The following ATP13A5 variants were observed in gnomAD, a reference collection of about 807,000 sequenced individuals.
ATP13A5 encodes the protein ATPase 13A5.
Under a neutral mutation model 150.2 loss-of-function variants are expected in ATP13A5, and 149 were observed. That is an observed-to-expected ratio of 0.99 (90% CI 0.87 to 1.14). The LOEUF is 1.14. Among genes scored for constraint, ATP13A5 ranks in the 50% most tolerant of loss-of-function variants. ATP13A5 has a pLI of 0.00. For synonymous variants in ATP13A5, 497 were observed against 522.2 expected (o/e 0.95, Z 0.66); for missense variants, 1,383 against 1,449.3 (o/e 0.95, Z 0.74).
In ATP13A5 at chr3:193,305,581, G is replaced by A. The variant is rs776794032; in HGVS notation, c.2656C>T (p.Gln886Ter). 3.1e-6 allele frequency: 5 copies of A among 1,613,680 alleles called. No homozygotes were observed. The African/African-American group carries it at 5.3e-5, about 17-fold the overall frequency. The stretch of plus-strand genomic sequence containing the variant: ...TACCTGATGAGATGAGGCACACACT[G>A]GATGTTGGTTGTTTTAGAGGTAAAA... ...SPFTSKTTNI[Q>*]CVPHLIREGR... is the part of the protein sequence containing the mutation. Residue 886 changes from glutamine (Q) to a stop codon, truncating the protein, a stop_gained, in exon 23 of 30, where the codon CAG (glutamine) becomes TAG (stop). Transcript: ENST00000342358. LOFTEE classifies it high-confidence loss of function.
intron 25 of ATP13A5, among the ~76,000 whole-genome samples, chr3:193,293,730 T>C (rs1054390453): frequency 6.6e-5 from 10 of 152,094 alleles, no homozygotes; most frequent in Admixed American, 2.0e-4. Flanking sequence ...CTAAACTACA[T>C]GCAGAATTTC....
chr3:193,363,316 C>T lies in ATP13A5; in HGVS notation c.304G>A (p.Val102Ile), dbSNP rs368981593. The change falls in exon 3 of 30, where the codon GTA becomes ATA. Residue 102 changes from valine to isoleucine, a missense_variant. Transcript: ENST00000342358. ...CLYLSTLKFP[V>I]SKKWEESLVA... ...AGGGATTCTTCCCACTTCTTGCTTA[C>T]AGGAAACTTCAGTGTGGATAAGTAG... 2.3e-4 allele frequency: 370 copies of T among 1,613,810 alleles called. No individual in the cohort carries two copies. Among genetic ancestry groups the T allele is most frequent in the Non-Finnish European group, 3.1e-4 (360 of 1,179,860 alleles).
At chr3:193,354,324 G>T in intron 5 of ATP13A5, 128 bp from the exon 6 acceptor site, 1 of 789,656 alleles carries the variant, frequency 1.3e-6, no homozygotes, top group Non-Finnish European at 2.0e-6. Context: ...AAAATAATGT[G>T]CAAGTTCTTT....
At chr3:193,334,405 G>A (rs903803261) in intron 10 of ATP13A5, among the ~76,000 whole-genome samples, 2 of 152,148 alleles carry the variant, frequency 1.3e-5, no homozygotes, top group Non-Finnish European at 2.9e-5. Flanking sequence ...GAAACAAGAG[G>A]AGTTGGAGAT....
intron 17 of ATP13A5, among the ~76,000 whole-genome samples, chr3:193,318,561 G>A (rs906941484): frequency 1.3e-5 from 2 of 152,092 alleles, no homozygotes; most frequent in Non-Finnish European, 2.9e-5. Flanking sequence ...AAAAAACCAC[G>A]TCTAAAGTAT....
chr3:193,314,159 C>A lies in ATP13A5; in HGVS notation c.2193G>T (p.Lys731Asn), dbSNP rs1167129944. The change falls in exon 19 of 30, where the codon AAG becomes AAT. Residue 731 changes from lysine (K) to asparagine (N), a missense_variant. Physicochemically the swap from Lys to Asn is moderately conservative, Grantham distance 94 (BLOSUM62 0). Coordinates refer to ENST00000342358, the MANE Select transcript of ATP13A5 (RefSeq NM_198505.4). ...TGCCTGGAGGGATCATTTCAGAATTCTTTGCAACAGTAATGGCCGTTTGAA... is the reference window on the plus strand; with the variant it reads ...TGCCTGGAGGGATCATTTCAGAATTATTTGCAACAGTAATGGCCGTTTGAA... The part of the protein sequence containing the change: ...DNLQTAITVA[K>N]NSEMIPPGSQ... The A allele has an allele frequency of 1.9e-6, 3 of 1,613,744 alleles. No homozygotes were observed. The highest frequency in any genetic ancestry group is 2.2e-5 in the East Asian group (1 of 44,882).
Position 193,310,628 on chromosome 3 carries a change from T to C in ATP13A5, c.2525+10A>G, listed in dbSNP as rs1718806241. The C allele has an allele frequency of 1.3e-6, 2 of 1,598,730 alleles. No homozygotes were observed. Among genetic ancestry groups the C allele is most frequent in the African/African-American group, 1.4e-5 (1 of 74,024 alleles). ...ATGAGCACACTCTTCTTTCATGCCATGACACCTACTTTAATTTCTGAAATT... is the reference window on the plus strand; with the variant it reads ...ATGAGCACACTCTTCTTTCATGCCACGACACCTACTTTAATTTCTGAAATT... On this transcript the variant is annotated intron_variant, in intron 21 of 29. Transcript: ENST00000342358.
chr3:193,359,579 T>C (rs1297600049), intron 5 of ATP13A5, among the ~76,000 whole-genome samples: 2 of 152,224 alleles, frequency 1.3e-5, no homozygotes, highest in African/African-American at 4.8e-5. Context: ...GTGGTAAACA[T>C]TGAGAATTAA....
At chr3:193,277,102 C>T (rs1354251205) in intron 28 of ATP13A5, among the ~76,000 whole-genome samples, 3 of 152,222 alleles carry the variant, frequency 2.0e-5, no homozygotes, top group Non-Finnish European at 2.9e-5. Flanking sequence ...ATCACAAATA[C>T]GAGACAGGAC....
chr3:193,351,225 G>T, intron 6 of ATP13A5, 24 bp from the exon 7 acceptor site: 1 of 1,613,148 alleles, frequency 6.2e-7, no homozygotes, highest in Non-Finnish European at 8.5e-7. Flanking sequence ...AATGGCATTT[G>T]GGTCACTTGC....
At chr3:193,372,288 CAAAAAAA>C (rs749907136) in intron 1 of ATP13A5, 3 of 41,342 alleles carry the variant, frequency 7.3e-5, no homozygotes, top group South Asian at 2.7e-3. Flanking sequence ...GACTCCACCT[CAAAAAAA>C]AAAAAAAAAA....
At chr3:193,303,882 TACAC>T (rs1423917515) in intron 23 of ATP13A5, among the ~76,000 whole-genome samples, 3 of 151,082 alleles carry the variant, frequency 2.0e-5, no homozygotes, top group Admixed American at 1.3e-4. Context: ...TGTAACATGT[TACAC>T]ATATACATAC....
At chr3:193,279,875 C>T (rs535061464) in intron 27 of ATP13A5, among the ~76,000 whole-genome samples, 20 of 149,180 alleles carry the variant, frequency 1.3e-4, no homozygotes, top group African/African-American at 4.7e-4. Context: ...CCTTTCTAAC[C>T]TGGTCTCTGA....
chr3:193,361,217 T>G (rs1408009081), intron 5 of ATP13A5, among the ~76,000 whole-genome samples: 1 of 152,192 alleles, frequency 6.6e-6, no homozygotes, highest in Non-Finnish European at 1.5e-5. Context: ...AACTTTTTTG[T>G]GACAATGTTT....
chr3:193,337,339 T>A (rs1416418801), intron 9 of ATP13A5, among the ~76,000 whole-genome samples: 3 of 152,330 alleles, frequency 2.0e-5, no homozygotes, highest in Non-Finnish European at 4.4e-5. Context: ...TGGTATTGCC[T>A]AGGTTTTCTT....
At position 193,361,821 on chromosome 3, in the gene ATP13A5, T is replaced by G. The variant is rs186592162; in HGVS notation, c.536+560A>C. ...CAATGACTAAACCTTTGTCTTTAGA[T>G]CCTTAGTTCCTTGCAAAGTACCTAT... is the stretch of plus-strand genomic sequence containing the variant. On this transcript the variant is annotated intron_variant, in intron 5 of 29. Transcript: ENST00000342358. 2.4e-3 allele frequency among the ~76,000 whole-genome samples: 369 copies of G among 152,324 alleles called. 4 individuals carry two copies. Among genetic ancestry groups the G allele is most frequent in the African/African-American group, 8.3e-3 (344 of 41,578 alleles).
At chr3:193,279,320 T>A (rs1444517552) in intron 28 of ATP13A5, 46 bp downstream of exon 28, 1 of 1,369,084 alleles carries the variant, frequency 7.3e-7, no homozygotes, top group South Asian at 1.2e-5. Context: ...GAATACATGG[T>A]CCATGTACAT....
intron 24 of ATP13A5, among the ~76,000 whole-genome samples, 175 bp from the exon 25 acceptor site, chr3:193,299,378 C>T (rs79030193): frequency 0.011 from 1,607 of 152,154 alleles, 12 homozygotes; most frequent in Middle Eastern, 0.031. Context: ...TGAGGCCAGA[C>T]GACTATTTTC....
chr3:193,318,946 C>A, intron 17 of ATP13A5, 45 bp downstream of exon 17: 1 of 1,387,168 alleles, frequency 7.2e-7, no homozygotes, highest in South Asian at 1.2e-5. Context: ...ACTCGCACTT[C>A]ATGGGCACAG....
Sources: gnomAD v4.1 joint callset for allele counts (sites outside exome capture counted in the v4.1 genomes callset) on GRCh38, gnomAD v4.1.1 for gene constraint, MANE v1.5 for transcripts, NCBI Gene and HGNC (gene_info 2026-07-23, HGNC 2026-07-21) for gene names.